Variants in CPVL observed in about 807,000 individuals in gnomAD.
CPVL encodes probable serine carboxypeptidase CPVL.
In CPVL, 51 loss-of-function variants were observed where a neutral mutation model predicts 63.7. The observed-to-expected ratio is 0.80, with a 90% CI of 0.64 to 1.01. The LOEUF is 1.01. CPVL is among the 50% of genes least tolerant of loss of function. The pLI is 0.00. For synonymous variants in CPVL, 195 were observed against 206.0 expected (o/e 0.95, Z 0.46); for missense variants, 530 against 573.1 (o/e 0.92, Z 0.77).
chr7:29,001,166 C>T (rs1784593292), intron 12 of CPVL: 1 of 152,172 alleles, frequency 6.6e-6, no homozygotes, highest in Admixed American at 6.5e-5. Context: ...TTAAGTGAGA[C>T]TTTCTCTACC....
chr7:29,172,283 C>T (rs143525380), intron 5 of CPVL, among the ~76,000 whole-genome samples: 4 of 152,338 alleles, frequency 2.6e-5, no homozygotes, highest in Non-Finnish European at 4.4e-5. Flanking sequence ...GTGGGCATCA[C>T]AGCTGATTTC....
intron 12 of CPVL, among the ~76,000 whole-genome samples, chr7:29,008,030 A>G (rs1562720162): frequency 6.6e-6 from 1 of 152,214 alleles, no homozygotes; most frequent in Non-Finnish European, 1.5e-5. Context: ...AGAGTTGCCA[A>G]GAAGGAGGTA....
intron 1 of CPVL, among the ~76,000 whole-genome samples, chr7:29,131,501 A>G (rs565156503): frequency 1.3e-5 from 2 of 152,248 alleles, no homozygotes; most frequent in South Asian, 4.1e-4. Flanking sequence ...GTCTCATTCA[A>G]GCTTCACCTC....
At chr7:29,038,149 A>G (rs1788732742) in intron 11 of CPVL, among the ~76,000 whole-genome samples, 1 of 152,180 alleles carries the variant, frequency 6.6e-6, no homozygotes, top group South Asian at 2.1e-4. Context: ...CTGTTTTTCC[A>G]TTTAGATGCC....
At chr7:29,016,785 C>A (rs1268950707) in intron 12 of CPVL, among the ~76,000 whole-genome samples, 2 of 152,186 alleles carry the variant, frequency 1.3e-5, no homozygotes, top group African/African-American at 4.8e-5. Context: ...ACAGTGAACA[C>A]CATCTCTCAA....
At chr7:29,040,326 CA>C (rs1412982523) in intron 11 of CPVL, among the ~76,000 whole-genome samples, 1 of 152,140 alleles carries the variant, frequency 6.6e-6, no homozygotes, top group African/African-American at 2.4e-5. Flanking sequence ...ATGGGTTTCC[CA>C]AAAGCTCAGC....
At chr7:29,109,748 T>C (rs1030562737) in intron 3 of CPVL, among the ~76,000 whole-genome samples, 2 of 152,174 alleles carry the variant, frequency 1.3e-5, no homozygotes, top group South Asian at 2.1e-4. Context: ...TTCTTTCCCG[T>C]TGTGTCTCCT....
rs567552538 is a variant in CPVL, at chr7:29,136,187, G to A, written c.-11+10242C>T. Among the ~76,000 whole-genome samples the A allele has an allele frequency of 1.2e-4, 18 of 152,270 alleles. No individual in the cohort carries two copies. The South Asian group carries it at 1.5e-3, about 12-fold the overall frequency. ...AGAAATATATCTATAACTGACTACC[G>A]CATGAGTTTTTGTAAAAAATCATAT... is the stretch of plus-strand genomic sequence containing the variant. On this transcript the variant is annotated intron_variant, in intron 1 of 12. Transcript: ENST00000265394.
chr7:29,041,211 G>A (rs1846490), intron 11 of CPVL, among the ~76,000 whole-genome samples: 124,361 of 148,296 alleles, frequency 0.84, 52,791 homozygotes, highest in African/African-American at 0.96. Flanking sequence ...GGCTCACTGC[G>A]ACTTCTGCCT....
chr7:29,193,399 G>A (rs755346823), intron 1 of CPVL: 47 of 152,130 alleles, frequency 3.1e-4, no homozygotes, highest in Non-Finnish European at 5.1e-4. Flanking sequence ...TGTCACTCCT[G>A]ATAATTTTTA....
At chr7:29,051,713 T>A (rs1386614506) in intron 11 of CPVL, among the ~76,000 whole-genome samples, 1 of 151,980 alleles carries the variant, frequency 6.6e-6, no homozygotes, top group East Asian at 1.9e-4. Flanking sequence ...AAAGTAGAAC[T>A]ACCATTTGAT....
chr7:29,174,562 G>A (rs182906725), intron 5 of CPVL, among the ~76,000 whole-genome samples: 1 of 152,062 alleles, frequency 6.6e-6, no homozygotes, highest in African/African-American at 2.4e-5. Flanking sequence ...CCAACACAAT[G>A]ATTAAACAAT....
chr7:29,135,011 G>A (rs1472987147), intron 1 of CPVL, among the ~76,000 whole-genome samples: 2 of 151,598 alleles, frequency 1.3e-5, no homozygotes, highest in Admixed American at 6.6e-5. Context: ...GCTGAAGTGG[G>A]AGGATCACTT....
chr7:29,149,439 C>G (rs1793280373), upstream of CPVL, among the ~76,000 whole-genome samples: 1 of 152,094 alleles, frequency 6.6e-6, no homozygotes, highest in African/African-American at 2.4e-5. Context: ...AGTTATCCAC[C>G]TGCCTTGGCC....
chr7:29,159,440 C>T (rs1482203923), intron 5 of CPVL, among the ~76,000 whole-genome samples: 19 of 152,134 alleles, frequency 1.2e-4, no homozygotes, highest in Admixed American at 1.2e-3. Context: ...AACTATCTGC[C>T]TTGAAAGTTG....
chr7:29,053,088 A>G (rs1306761085), intron 11 of CPVL, among the ~76,000 whole-genome samples: 1 of 152,222 alleles, frequency 6.6e-6, no homozygotes, highest in Non-Finnish European at 1.5e-5. Context: ...GGGAAATGCC[A>G]ATCAAAGCCC....
upstream of CPVL, chr7:29,146,952 G>A: frequency 6.4e-7 from 1 of 1,551,066 alleles, no homozygotes; most frequent in African/African-American, 1.4e-5. Flanking sequence ...CATTCCAGCT[G>A]CACTAGCAGT....
At chr7:29,133,045 C>T (rs1030158549) in intron 1 of CPVL, among the ~76,000 whole-genome samples, 4 of 151,858 alleles carry the variant, frequency 2.6e-5, no homozygotes, top group Non-Finnish European at 4.4e-5. Flanking sequence ...AACAAAGTCA[C>T]TGCATGCATT....
chr7:29,034,134 C>T (rs765316153), intron 11 of CPVL, among the ~76,000 whole-genome samples: 2 of 152,074 alleles, frequency 1.3e-5, no homozygotes, highest in Non-Finnish European at 2.9e-5. Flanking sequence ...GAGACAGTCT[C>T]ACTATGTTCC....
Sources: gnomAD v4.1 joint callset for allele counts (sites outside exome capture counted in the v4.1 genomes callset) on GRCh38, gnomAD v4.1.1 for gene constraint, MANE v1.5 for transcripts, NCBI Gene and HGNC (gene_info 2026-07-23, HGNC 2026-07-21) for gene names.